The following SIPA1L3 variants were observed in gnomAD, a reference collection of about 807,000 sequenced individuals.
The protein encoded by SIPA1L3 is signal induced proliferation associated 1 like 3, also known as signal-induced proliferation-associated 1-like protein 3.
SIPA1L3 carries 59 observed loss-of-function variants against 150.1 expected under a neutral mutation model. That is an observed-to-expected ratio of 0.39 (90% CI 0.32 to 0.49). The LOEUF (loss-of-function observed/expected upper bound fraction) is 0.49, where lower values mean the gene tolerates loss of function less well. Among genes scored for constraint, SIPA1L3 ranks in the 20% least tolerant of loss-of-function variants. SIPA1L3 has a pLI of 0.86. For synonymous variants in SIPA1L3, 1,070 were observed against 1,077.6 expected (o/e 0.99, Z 0.14); for missense variants, 2,211 against 2,489.5 (o/e 0.89, Z 2.38).
Position 38,192,175 on chromosome 19 carries a change from T to G in SIPA1L3, c.4461T>G (p.Phe1487Leu). The G allele has an allele frequency of 6.2e-7, 1 of 1,611,196 alleles. No homozygotes were observed. Among genetic ancestry groups the G allele is most frequent in the Non-Finnish European group, 8.5e-7 (1 of 1,178,958 alleles). ...KQVDTNTKNV[F>L]GQPRLRASLR... ...TGGACACGAACACCAAAAATGTCTT[T>G]GGGCAACCGAGGTTGAGGGCATCCC... The change falls in exon 17 of 22, where the codon TTT becomes TTG. Residue 1487 changes from phenylalanine (F) to leucine (L), a missense_variant. By Grantham distance (22) the Phe-to-Leu change is conservative (BLOSUM62 0). This residue lies in a region of SIPA1L3 where 806 missense variants were observed against 870.1 expected (regional missense o/e 0.93). Transcript: ENST00000222345.
intron 4 of SIPA1L3, among the ~76,000 whole-genome samples, chr19:38,098,391 CATT>C (rs1970426609): frequency 7.8e-6 from 1 of 128,916 alleles, no homozygotes; most frequent in South Asian, 2.4e-4. Flanking sequence ...AAGGGGCTTT[CATT>C]TTTTTTTTTT....
intron 2 of SIPA1L3, among the ~76,000 whole-genome samples, chr19:38,062,624 T>A (rs4803709): frequency 0.47 from 55,860 of 119,018 alleles, 11,326 homozygotes; most frequent in East Asian, 0.68. Flanking sequence ...TATTATTATT[T>A]TTTTTTTTGA....
chr19:38,199,174 T>C (rs1162290875), intron 19 of SIPA1L3, among the ~76,000 whole-genome samples: 1 of 152,162 alleles, frequency 6.6e-6, no homozygotes, highest in African/African-American at 2.4e-5. Context: ...CCCAGGGCCC[T>C]TTATGTGCTG....
At chr19:38,197,442 G>T (rs1365290946) in intron 18 of SIPA1L3, among the ~76,000 whole-genome samples, 2 of 152,022 alleles carry the variant, frequency 1.3e-5, no homozygotes, top group Admixed American at 6.5e-5. Flanking sequence ...GATGTCACAG[G>T]CCTCTCCTCT....
chr19:37,922,587 G>C (rs1259517712), intron 1 of SIPA1L3, among the ~76,000 whole-genome samples: 1 of 151,334 alleles, frequency 6.6e-6, no homozygotes, highest in African/African-American at 2.4e-5. Context: ...TAGAGACGGG[G>C]TTTCACTGTG....
chr19:37,962,463 C>CTTTTTTTT lies in SIPA1L3; in HGVS notation c.-379+55121_-379+55128dup, dbSNP rs71177491. 1.4e-3 allele frequency among the ~76,000 whole-genome samples: 99 copies of CTTTTTTTT among 73,100 alleles called. 10 individuals carry two copies. The highest frequency in any genetic ancestry group is 5.0e-3 in the East Asian group (8 of 1,606). 48.0% of individuals were successfully genotyped at this position (73,100 alleles called of 152,430 possible). ...TTGGCCATGAGCCACTGCAGCCGGC[C>CTTTTTTTT]TTTTTTTTTTTTTTTTTTTTTTTGA... On this transcript the variant is annotated intron_variant, in intron 1 of 21. Coordinates refer to ENST00000222345, the MANE Select transcript of SIPA1L3 (RefSeq NM_015073.3).
At chr19:38,079,071 G>A (rs923669774) in intron 2 of SIPA1L3, among the ~76,000 whole-genome samples, 17 of 152,148 alleles carry the variant, frequency 1.1e-4, no homozygotes, top group Non-Finnish European at 1.9e-4. Context: ...GATGGCTCAC[G>A]CCTGTAATCC....
intron 9 of SIPA1L3, among the ~76,000 whole-genome samples, chr19:38,124,094 C>CG (rs1389380497): frequency 1.4e-5 from 2 of 143,832 alleles, no homozygotes; most frequent in Admixed American, 6.8e-5. Flanking sequence ...GCTGGCCGGG[C>CG]GGGGGGCTGA....
At chr19:37,925,036 G>C (rs1227699861) in intron 1 of SIPA1L3, among the ~76,000 whole-genome samples, 2 of 149,990 alleles carry the variant, frequency 1.3e-5, no homozygotes, top group African/African-American at 4.9e-5. Flanking sequence ...GGAATAGAGG[G>C]AGACTCTGTC....
rs983884050 is a variant in SIPA1L3, at chr19:38,089,262, G to A, written c.1665+411G>A. ...GAACCTGAGAGGCAGAGGCTGCAGT[G>A]AGCTGAGTTTATGCCACTGCACTCC... On this transcript the variant is annotated intron_variant, in intron 4 of 21. Coordinates refer to ENST00000222345, the MANE Select transcript of SIPA1L3 (RefSeq NM_015073.3). 1.1e-4 allele frequency among the ~76,000 whole-genome samples: 17 copies of A among 148,560 alleles called. No individual in the cohort carries two copies. The Admixed American group carries it at 1.2e-3, about 10-fold the overall frequency.
At chr19:38,006,120 G>A (rs1276765813) in intron 1 of SIPA1L3, among the ~76,000 whole-genome samples, 1 of 152,182 alleles carries the variant, frequency 6.6e-6, no homozygotes, top group Non-Finnish European at 1.5e-5. Context: ...GTAACTAGTT[G>A]GGGAGGTGAT....
chr19:37,948,340 C>T (rs2046731056), intron 1 of SIPA1L3, among the ~76,000 whole-genome samples: 1 of 152,042 alleles, frequency 6.6e-6, no homozygotes, highest in Non-Finnish European at 1.5e-5. Context: ...GTGGCATGCA[C>T]CTGTGGTCCC....
At chr19:37,908,686 T>C (rs986655247) in intron 1 of SIPA1L3, among the ~76,000 whole-genome samples, 2 of 152,108 alleles carry the variant, frequency 1.3e-5, no homozygotes, top group Non-Finnish European at 2.9e-5. Context: ...AAAGTTAGTG[T>C]TTTTTTATCT....
chr19:38,157,089 G>A (rs1189846126), intron 13 of SIPA1L3, among the ~76,000 whole-genome samples: 2 of 152,204 alleles, frequency 1.3e-5, no homozygotes, highest in East Asian at 1.9e-4. Flanking sequence ...GCTTGAGCCC[G>A]AGAGTTTGAG....
intron 1 of SIPA1L3, among the ~76,000 whole-genome samples, chr19:37,950,497 G>A (rs1429063224): frequency 2.6e-5 from 4 of 152,168 alleles, no homozygotes; most frequent in Non-Finnish European, 1.5e-5. Flanking sequence ...TACAGGGCTC[G>A]ATCATTGGAT....
chr19:38,098,612 C>T (rs1454955386), intron 4 of SIPA1L3, among the ~76,000 whole-genome samples: 1 of 152,130 alleles, frequency 6.6e-6, no homozygotes, highest in Non-Finnish European at 1.5e-5. Context: ...CCAGGCTGGT[C>T]TCAAACTCCT....
chr19:38,198,404 C>A lies in SIPA1L3; in HGVS notation c.4856C>A (p.Ser1619Ter). The A allele has an allele frequency of 6.4e-7, 1 of 1,573,988 alleles. No homozygotes were observed. Among genetic ancestry groups the A allele is most frequent in the Non-Finnish European group, 8.6e-7 (1 of 1,161,898 alleles). The change falls in exon 19 of 22, where the codon TCG becomes TAG. Residue 1619 changes from serine (S) to a stop codon, truncating the protein, a stop_gained. Coordinates refer to ENST00000222345, the MANE Select transcript of SIPA1L3 (RefSeq NM_015073.3). LOFTEE classifies it high-confidence loss of function. The part of the protein sequence containing the change: ...FPEKKSTISA[S>*]ELSLADGRDR... ...CCCCATCCAGCCACCATCTCAGCCTCGGAGCTCTCGCTGGCTGATGGGCGG... is the reference window on the plus strand; with the variant it reads ...CCCCATCCAGCCACCATCTCAGCCTAGGAGCTCTCGCTGGCTGATGGGCGG...
chr19:38,171,246 T>C (rs957577447), intron 15 of SIPA1L3, among the ~76,000 whole-genome samples: 1 of 151,958 alleles, frequency 6.6e-6, no homozygotes, highest in East Asian at 1.9e-4. Flanking sequence ...TGGGCTCAAG[T>C]ATAGAAATTG....
chr19:38,051,239 A>G (rs148895690), intron 2 of SIPA1L3, among the ~76,000 whole-genome samples: 63 of 152,296 alleles, frequency 4.1e-4, no homozygotes, highest in African/African-American at 1.3e-3. Context: ...TCTGATGACT[A>G]TCTCTAGACA....
Sources: gnomAD v4.1 joint callset for allele counts (sites outside exome capture counted in the v4.1 genomes callset) on GRCh38, gnomAD v4.1.1 for gene constraint, gnomAD v4.1.1 regional missense constraint, MANE v1.5 for transcripts, NCBI Gene and HGNC (gene_info 2026-07-23, HGNC 2026-07-21) for gene names.